Variants in CNTN5 observed in about 807,000 individuals in gnomAD.
CNTN5 encodes contactin 5, also known as contactin-5.
A neutral mutation model predicts 129.1 loss-of-function variants in CNTN5; 77 were observed. The observed-to-expected ratio is 0.60, with a 90% confidence interval of 0.50 to 0.72. The LOEUF is 0.72. Ranked by LOEUF, CNTN5 falls within the 30% of genes least tolerant of loss-of-function variation. CNTN5 has a pLI of 0.00. For synonymous variants in CNTN5, 509 were observed against 465.6 expected, an observed-to-expected ratio of 1.09 and a Z score of -1.20; for missense variants, 1,478 against 1,328.8, an observed-to-expected ratio of 1.11 and a Z score of -1.75.
intron 2 of CNTN5, among the ~76,000 whole-genome samples, chr11:99,533,574 G>C (rs935085075): frequency 1.3e-5 from 2 of 152,214 alleles, no homozygotes; most frequent in African/African-American, 4.8e-5. Context: ...TAGGGAGAAG[G>C]CTGGTGCCTG....
chr11:100,222,608 T>C (rs775760242), intron 15 of CNTN5, among the ~76,000 whole-genome samples: 13 of 151,556 alleles, frequency 8.6e-5, no homozygotes, highest in Admixed American at 1.3e-4. Context: ...ACTTTTCTAC[T>C]AAACTGCCAC....
At chr11:100,166,307 A>T (rs552541990) in intron 13 of CNTN5, among the ~76,000 whole-genome samples, 1 of 151,778 alleles carries the variant, frequency 6.6e-6, no homozygotes, top group Non-Finnish European at 1.5e-5. Context: ...AAATTTTACA[A>T]TAATAGTTTA....
At chr11:99,112,260 T>C (rs1857833988) in intron 1 of CNTN5, among the ~76,000 whole-genome samples, 1 of 152,116 alleles carries the variant, frequency 6.6e-6, no homozygotes, top group African/African-American at 2.4e-5. Flanking sequence ...ACGTCTATTA[T>C]ACACACAGGG....
Position 99,878,622 on chromosome 11 carries a change from C to T in CNTN5, c.577+33360C>T, listed in dbSNP as rs115850322. 6.4e-3 allele frequency among the ~76,000 whole-genome samples: 979 copies of T among 152,254 alleles called. 12 individuals are homozygous for T. Among genetic ancestry groups the T allele is most frequent in the African/African-American group, 0.021 (874 of 41,562 alleles). On this transcript the variant is annotated intron_variant, in intron 6 of 24. Coordinates refer to ENST00000524871, the MANE Select transcript of CNTN5 (RefSeq NM_014361.4). The stretch of plus-strand genomic sequence containing the variant: ...CCTGTAATTCCAGCACTTTCAGAGG[C>T]CCAGGCAGGCGGATCACGAGGTCAA...
At chr11:99,028,779 C>A (rs1468507030) in intron 1 of CNTN5, among the ~76,000 whole-genome samples, 1 of 151,788 alleles carries the variant, frequency 6.6e-6, no homozygotes, top group Non-Finnish European at 1.5e-5. Context: ...AGACTGATTT[C>A]TTTCATTTAT....
intron 1 of CNTN5, among the ~76,000 whole-genome samples, chr11:99,099,513 C>A (rs1866622298): frequency 6.6e-6 from 1 of 151,152 alleles, no homozygotes; most frequent in Non-Finnish European, 1.5e-5. Context: ...TGTGTCACCC[C>A]AGGAACGTCT....
intron 1 of CNTN5, among the ~76,000 whole-genome samples, chr11:99,068,439 A>G (rs1180328822): frequency 6.6e-6 from 1 of 152,178 alleles, no homozygotes; most frequent in Non-Finnish European, 1.5e-5. Flanking sequence ...TAGATGGTCT[A>G]GAGTAGAGAA....
At chr11:99,449,143 A>G (rs2135183206) in intron 2 of CNTN5, among the ~76,000 whole-genome samples, 1 of 152,260 alleles carries the variant, frequency 6.6e-6, no homozygotes, top group South Asian at 2.1e-4. Context: ...GTGTTAGCAA[A>G]CAGAAAGAGG....
At chr11:99,767,841 T>A (rs1301677912) in intron 3 of CNTN5, among the ~76,000 whole-genome samples, 3 of 152,110 alleles carry the variant, frequency 2.0e-5, no homozygotes, top group Non-Finnish European at 4.4e-5. Context: ...GAATAATTTC[T>A]GTTTCAGTAC....
chr11:99,820,773 C>T (rs1178215923), intron 4 of CNTN5, among the ~76,000 whole-genome samples: 1 of 152,210 alleles, frequency 6.6e-6, no homozygotes, highest in Admixed American at 6.5e-5. Flanking sequence ...AATTTTCATT[C>T]ACATCAACAA....
intron 6 of CNTN5, among the ~76,000 whole-genome samples, chr11:99,890,564 CAT>C (rs770071497): frequency 6.5e-4 from 96 of 146,678 alleles, no homozygotes; most frequent in South Asian, 2.1e-3. Flanking sequence ...TTGAAATAGA[CAT>C]GTGTGTGTGT....
chr11:99,037,734 C>G (rs1302062483), intron 1 of CNTN5, among the ~76,000 whole-genome samples: 1 of 151,760 alleles, frequency 6.6e-6, no homozygotes, highest in Admixed American at 6.6e-5. Context: ...CACGCCCCAC[C>G]ACGCACAGCT....
At chr11:99,167,519 G>C (rs905900708) in intron 1 of CNTN5, among the ~76,000 whole-genome samples, 1 of 151,998 alleles carries the variant, frequency 6.6e-6, no homozygotes, top group Non-Finnish European at 1.5e-5. Flanking sequence ...TTAAATTTTA[G>C]TTGCTATGAT....
rs578059771 is a variant in CNTN5, at chr11:99,857,280, C to G, written c.577+12018C>G. 1.5e-3 allele frequency among the ~76,000 whole-genome samples: 223 copies of G among 152,160 alleles called. 2 individuals are homozygous for G. Among genetic ancestry groups the G allele is most frequent in the Middle Eastern group, 6.8e-3 (2 of 294 alleles). On this transcript the variant is annotated intron_variant, in intron 6 of 24. Transcript: ENST00000524871. Reference sequence around the variant, plus strand: ...TATTTCTTTATTTTAGTTTAATAACCTACCTCTAACATGTAAGATCATAGT... The same window carrying G: ...TATTTCTTTATTTTAGTTTAATAACGTACCTCTAACATGTAAGATCATAGT...
At chr11:99,300,701 C>T (rs1348008873) in intron 1 of CNTN5, among the ~76,000 whole-genome samples, 2 of 151,860 alleles carry the variant, frequency 1.3e-5, no homozygotes, top group Non-Finnish European at 2.9e-5. Context: ...GAATTAATCA[C>T]CAGCAGATCT....
chr11:99,983,758 G>A (rs1481970752), intron 8 of CNTN5, among the ~76,000 whole-genome samples: 1 of 152,120 alleles, frequency 6.6e-6, no homozygotes, highest in East Asian at 1.9e-4. Context: ...GGGTTAAGAA[G>A]AATACAGTTG....
At chr11:99,563,786 G>C (rs1219334845) in intron 3 of CNTN5, among the ~76,000 whole-genome samples, 1 of 152,126 alleles carries the variant, frequency 6.6e-6, no homozygotes, top group African/African-American at 2.4e-5. Flanking sequence ...CTTTCATGTA[G>C]TTGTAGGCTT....
chr11:100,253,245 C>A (rs978411975), intron 16 of CNTN5, among the ~76,000 whole-genome samples: 1 of 152,158 alleles, frequency 6.6e-6, no homozygotes, highest in Non-Finnish European at 1.5e-5. Context: ...TGCTTCCTTC[C>A]ACAAATTAGG....
At chr11:100,267,262 C>CACAT (rs1311971383) in intron 17 of CNTN5, among the ~76,000 whole-genome samples, 108 of 134,104 alleles carry the variant, frequency 8.1e-4, no homozygotes, top group African/African-American at 2.5e-3. Context: ...ACCACACACA[C>CACAT]ACACACACAC....
Sources: allele counts gnomAD v4.1 joint callset (sites outside exome capture counted in the v4.1 genomes callset), GRCh38; gene constraint gnomAD v4.1.1; transcripts MANE v1.5; gene names NCBI Gene and HGNC (gene_info 2026-07-23, HGNC 2026-07-21).